Variants in RBMS3 observed in about 807,000 individuals in gnomAD.
The protein encoded by RBMS3 is RNA-binding motif, single-stranded-interacting protein 3.
A neutral mutation model predicts 66.8 loss-of-function variants in RBMS3; 27 were observed. The observed-to-expected ratio is 0.40, with a 90% CI of 0.30 to 0.56. The LOEUF (loss-of-function observed/expected upper bound fraction) is 0.56, where lower values mean the gene tolerates loss of function less well. Ranked by LOEUF, RBMS3 falls within the 20% of genes least tolerant of loss-of-function variation. The pLI, the probability that RBMS3 is intolerant of heterozygous loss-of-function variation, is 0.40. For synonymous variants in RBMS3, 188 were observed against 183.0 expected, an observed-to-expected ratio of 1.03 and a Z score of -0.22; for missense variants, 513 against 549.5, an observed-to-expected ratio of 0.93 and a Z score of 0.66.
chr3:29,929,881 C>A (rs2061062331), intron 10 of RBMS3, among the ~76,000 whole-genome samples: 2 of 151,878 alleles, frequency 1.3e-5, no homozygotes, highest in Non-Finnish European at 1.5e-5. Flanking sequence ...AGAAACCCAG[C>A]TCTAGTTTGC....
intron 1 of RBMS3, among the ~76,000 whole-genome samples, chr3:29,323,272 T>C (rs893704408): frequency 5.0e-5 from 6 of 119,080 alleles, no homozygotes; most frequent in African/African-American, 1.6e-4. Context: ...ATCAGGTATG[T>C]ACTTTAGCTT....
intron 1 of RBMS3, among the ~76,000 whole-genome samples, chr3:29,365,859 T>C (rs13085028): frequency 0.12 from 18,732 of 152,256 alleles, 1,495 homozygotes; most frequent in Middle Eastern, 0.18. Context: ...TACATTTTCA[T>C]TGACTTTCTT....
intron 2 of RBMS3, among the ~76,000 whole-genome samples, chr3:29,482,801 A>G (rs1302946348): frequency 7.4e-6 from 1 of 134,918 alleles, no homozygotes; most frequent in Non-Finnish European, 1.5e-5. Flanking sequence ...TCTGCCTCCC[A>G]GGTTCAAGTG....
At chr3:29,441,216 A>G (rs1329059319) in intron 2 of RBMS3, among the ~76,000 whole-genome samples, 1 of 152,160 alleles carries the variant, frequency 6.6e-6, no homozygotes, top group Non-Finnish European at 1.5e-5. Flanking sequence ...GACCCAAAAC[A>G]CGATGTTGGA....
chr3:29,420,356 T>C (rs1051425494), intron 1 of RBMS3, among the ~76,000 whole-genome samples: 1 of 152,202 alleles, frequency 6.6e-6, no homozygotes, highest in Admixed American at 6.5e-5. Flanking sequence ...CTATTCATTC[T>C]TGTAATTCCA....
At chr3:29,760,289 A>G (rs1388802156) in intron 5 of RBMS3, among the ~76,000 whole-genome samples, 1 of 149,754 alleles carries the variant, frequency 6.7e-6, no homozygotes, top group Non-Finnish European at 1.5e-5. Flanking sequence ...ACACCCCTAC[A>G]CACACACACA....
intron 4 of RBMS3, among the ~76,000 whole-genome samples, chr3:29,628,005 A>T (rs1315692035): frequency 6.6e-6 from 1 of 152,176 alleles, no homozygotes; most frequent in African/African-American, 2.4e-5. Flanking sequence ...ATTATTGTTT[A>T]TATGGAAATC....
chr3:29,705,776 T>C (rs186755779), intron 4 of RBMS3, among the ~76,000 whole-genome samples: 2 of 152,318 alleles, frequency 1.3e-5, no homozygotes, highest in Non-Finnish European at 2.9e-5. Flanking sequence ...ACATATATGA[T>C]ATACAAATTC....
chr3:29,884,470 C>CTCTCTCTCTT (rs1491200120), intron 8 of RBMS3, among the ~76,000 whole-genome samples: 2 of 70,500 alleles, frequency 2.8e-5, no homozygotes, highest in Admixed American at 1.5e-4. Context: ...CTCTCTCTCT[C>CTCTCTCTCTT]CCCCCCCGCT....
intron 1 of RBMS3, among the ~76,000 whole-genome samples, chr3:29,358,207 T>G (rs1559513641): frequency 6.6e-6 from 1 of 152,236 alleles, no homozygotes; most frequent in African/African-American, 2.4e-5. Flanking sequence ...TAATCCATCT[T>G]GAATTAATTT....
chr3:29,435,968 C>T (rs1161673839), intron 2 of RBMS3, among the ~76,000 whole-genome samples: 1 of 101,136 alleles, frequency 9.9e-6, no homozygotes, highest in Non-Finnish European at 2.1e-5. Context: ...AGCGAGACTC[C>T]GTCTCAAAAA....
intron 3 of RBMS3, among the ~76,000 whole-genome samples, chr3:29,552,455 C>T (rs191108382): frequency 6.6e-6 from 1 of 152,242 alleles, no homozygotes; most frequent in East Asian, 1.9e-4. Context: ...CTGAAAATGG[C>T]CTGGTCTTCT....
intron 6 of RBMS3, among the ~76,000 whole-genome samples, chr3:29,819,333 T>C (rs1484473963): frequency 1.3e-5 from 2 of 152,152 alleles, no homozygotes; most frequent in Non-Finnish European, 2.9e-5. Context: ...CTGGTGGCAA[T>C]AAAAAGCAGC....
rs373196490 is a variant in RBMS3, at chr3:29,325,675, T to C, written c.75+43919T>C. On this transcript the variant is annotated intron_variant, in intron 1 of 14. Transcript: ENST00000383767. Reference sequence around the variant, plus strand: ...ACACACACACACACATACACACACATATGTATAAATTTGACATGACTGGTA... The same window carrying C: ...ACACACACACACACATACACACACACATGTATAAATTTGACATGACTGGTA... Among the ~76,000 whole-genome samples the C allele has an allele frequency of 3.0e-3, 424 of 140,868 alleles. 1 individual carries two copies. The highest frequency in any genetic ancestry group is 3.2e-3 in the Non-Finnish European group (206 of 64,520). 92.4% of individuals were successfully genotyped at this position (140,868 alleles called of 152,430 possible). A position where few individuals can be genotyped will look rare whatever the true frequency, so the allele number is the denominator to read the frequency against.
chr3:29,673,774 C>A (rs1268221341), intron 4 of RBMS3, among the ~76,000 whole-genome samples: 3 of 152,066 alleles, frequency 2.0e-5, no homozygotes, highest in Non-Finnish European at 4.4e-5. Flanking sequence ...AGCCTACCAA[C>A]CAAAAAAGTC....
At position 29,576,335 on chromosome 3, in the gene RBMS3, C is replaced by T. The variant is rs569485465; in HGVS notation, c.308-10779C>T. On this transcript the variant is annotated intron_variant, in intron 3 of 14. Transcript: ENST00000383767. ...CAAACAAATGGAATCTCTGTCTTTG[C>T]GCTGAGTCACCTGAAACTGGAGGTG... Among the ~76,000 whole-genome samples the T allele has an allele frequency of 9.9e-5, 15 of 152,216 alleles. No homozygotes were observed. The South Asian group carries it at 1.0e-3, about 11-fold the overall frequency.
chr3:29,864,573 A>C (rs1037869706), intron 6 of RBMS3, among the ~76,000 whole-genome samples: 2 of 152,146 alleles, frequency 1.3e-5, no homozygotes, highest in African/African-American at 4.8e-5. Context: ...AACTGATGAA[A>C]ATAAAGCTTA....
At chr3:29,501,688 C>T (rs753180425) in intron 3 of RBMS3, among the ~76,000 whole-genome samples, 2 of 152,106 alleles carry the variant, frequency 1.3e-5, no homozygotes, top group Non-Finnish European at 2.9e-5. Flanking sequence ...CAACCTATCT[C>T]CCATCAGCCT....
intron 1 of RBMS3, among the ~76,000 whole-genome samples, chr3:29,305,897 C>T (rs1375409500): frequency 6.6e-6 from 1 of 151,958 alleles, no homozygotes; most frequent in Non-Finnish European, 1.5e-5. Flanking sequence ...AAATAGTAAA[C>T]TGCATAGATT....
Sources: allele counts gnomAD v4.1 joint callset (sites outside exome capture counted in the v4.1 genomes callset), GRCh38; gene constraint gnomAD v4.1.1; transcripts MANE v1.5; gene names NCBI Gene and HGNC (gene_info 2026-07-23, HGNC 2026-07-21).